DHX9: variants seen among roughly 807,000 people sequenced by gnomAD.
The protein encoded by DHX9 is ATP-dependent RNA helicase A.
A neutral mutation model predicts 148.7 loss-of-function variants in DHX9; 27 were observed. That is an observed-to-expected ratio of 0.18 (90% CI 0.13 to 0.25). The LOEUF is 0.25. Ranked by LOEUF, DHX9 falls within the 10% of genes least tolerant of loss-of-function variation. The pLI is 1.00. For synonymous variants in DHX9, 529 were observed against 516.6 expected (o/e 1.02, Z -0.33); for missense variants, 796 against 1,559.6 (o/e 0.51, Z 8.25).
At chr1:182,869,337 C>A (rs10911152) in intron 14 of DHX9, among the ~76,000 whole-genome samples, 1 of 151,782 alleles carries the variant, frequency 6.6e-6, no homozygotes, top group African/African-American at 2.4e-5. Context: ...TGGTTCAGCC[C>A]GGTCTTGTCC....
At chr1:182,866,317 A>C in intron 12 of DHX9, 127 bp from the exon 13 acceptor site, 2 of 948,036 alleles carry the variant, frequency 2.1e-6, no homozygotes, top group Non-Finnish European at 1.5e-6. Context: ...TTTTTTGTAC[A>C]TTTATTGTTT....
At position 182,871,567 on chromosome 1, in the gene DHX9, A is replaced by G. The variant is rs574407344; in HGVS notation, c.1558-770A>G. On this transcript the variant is annotated intron_variant, in intron 14 of 27. Transcript: ENST00000367549. ...GGATATGTTTAGCACTCCTGTTTAG[A>G]CTTGAACAAGAATGCTCATAGTAGC... 5.9e-5 allele frequency among the ~76,000 whole-genome samples: 9 copies of G among 152,354 alleles called. 1 individual carries two copies. The Middle Eastern group carries it at 0.014, about 230-fold the overall frequency.
intron 12 of DHX9, among the ~76,000 whole-genome samples, chr1:182,863,200 G>T (rs549541648): frequency 6.6e-6 from 1 of 152,230 alleles, no homozygotes; most frequent in South Asian, 2.1e-4. Context: ...AGTAATCCAA[G>T]TGTAACATAG....
At chr1:182,860,490 T>A (rs1668341102) in intron 12 of DHX9, among the ~76,000 whole-genome samples, 1 of 152,230 alleles carries the variant, frequency 6.6e-6, no homozygotes, top group African/African-American at 2.4e-5. Context: ...GTCATCTCTA[T>A]CTAACCACCT....
rs559813964 is a variant in DHX9, at chr1:182,867,993, C to A, written c.1557+950C>A. Among the ~76,000 whole-genome samples, 26 of 152,054 alleles carry A rather than the reference C, an allele frequency of 1.7e-4. No individual in the cohort carries two copies. In the East Asian group the frequency reaches 2.9e-3, roughly 17 times the overall value. On this transcript the variant is annotated intron_variant, in intron 14 of 27. Coordinates refer to ENST00000367549, the MANE Select transcript of DHX9 (RefSeq NM_001357.5). ...AAGCATTTCTAGTTTTTATTTTTTT[C>A]TTTTTTCTTCTCCCATCCCCCATCC...
intron 27 of DHX9, 132 bp downstream of exon 27, chr1:182,884,945 T>TAG (rs1265733310): frequency 2.6e-6 from 2 of 772,992 alleles, no homozygotes; most frequent in South Asian, 3.7e-5. Context: ...GCTATATAGA[T>TAG]AGAGAGTTTG....
chr1:182,840,099 A>C (rs1181793641), intron 1 of DHX9, among the ~76,000 whole-genome samples: 1 of 152,142 alleles, frequency 6.6e-6, no homozygotes, highest in Non-Finnish European at 1.5e-5. Context: ...GAAGGCCTTC[A>C]AAGGAGAATG....
chr1:182,881,201 A>G (rs1571321892), intron 22 of DHX9, 63 bp from the exon 23 acceptor site: 4 of 1,544,372 alleles, frequency 2.6e-6, no homozygotes, highest in East Asian at 4.5e-5. Context: ...CGACAGTCCT[A>G]CCTGAGCTGC....
At chr1:182,883,728 T>C in intron 26 of DHX9, 93 bp downstream of exon 26, 4 of 778,646 alleles carry the variant, frequency 5.1e-6, no homozygotes, top group Non-Finnish European at 8.3e-6. Flanking sequence ...ATATACTAAT[T>C]ATATCTAACT....
In DHX9 at chr1:182,876,142, C is replaced by A. The variant is rs747582738; in HGVS notation, c.1908C>A (p.Leu636=). 6.2e-7 allele frequency: 1 copy of A among 1,613,980 alleles called. No individual in the cohort carries two copies. Among genetic ancestry groups the A allele is most frequent in the Non-Finnish European group, 8.5e-7 (1 of 1,179,890 alleles). ...QLNEKETPFE[L]IEALLKYIET... is the part of the protein sequence containing the mutation. Reference sequence around the variant, plus strand: ...ACGAAAAGGAAACTCCTTTTGAACTCATCGAGGCTCTACTTAAGTACATTG... The same window carrying A: ...ACGAAAAGGAAACTCCTTTTGAACTAATCGAGGCTCTACTTAAGTACATTG... Residue 636 remains leucine (L), a synonymous_variant, in exon 17 of 28, where the codon CTC becomes CTA. Transcript: ENST00000367549.
intron 14 of DHX9, among the ~76,000 whole-genome samples, chr1:182,869,993 A>C (rs775645120): frequency 1.4e-4 from 22 of 152,256 alleles, no homozygotes; most frequent in Non-Finnish European, 2.8e-4. Context: ...ACCAATTACT[A>C]CAAATAATAG....
At position 182,887,049 on chromosome 1, in the gene DHX9, C is replaced by T. The variant is rs1557982577; in HGVS notation, c.3462-34C>T. 4 of 1,579,304 alleles carry T rather than the reference C, an allele frequency of 2.5e-6. No individual in the cohort carries two copies. In the Admixed American group the frequency reaches 6.8e-5, roughly 27 times the overall value. ...AAGTCGTTGGGAAATAATAAGAATG[C>T]TTTGCTAAAGTGATGGTTTTGTGCT... On this transcript the variant is annotated intron_variant, in intron 27 of 27. Transcript: ENST00000367549.
chr1:182,860,975 T>A (rs924786043), intron 12 of DHX9, among the ~76,000 whole-genome samples: 1 of 152,250 alleles, frequency 6.6e-6, no homozygotes, highest in African/African-American at 2.4e-5. Flanking sequence ...TTTTCCCCGA[T>A]GGGTTAATGT....
In DHX9 at chr1:182,867,065, G is replaced by C. The variant is rs768296669; in HGVS notation, c.1557+22G>C. 6.9e-6 allele frequency: 10 copies of C among 1,449,686 alleles called. No homozygotes were observed. The Admixed American group carries it at 1.7e-4, about 24-fold the overall frequency. 89.8% of individuals were successfully genotyped at this position (1,449,686 alleles called of 1,614,324 possible). On this transcript the variant is annotated intron_variant, in intron 14 of 27. Coordinates refer to ENST00000367549, the MANE Select transcript of DHX9 (RefSeq NM_001357.5). ...TAATGTAAGTAACTTGAGAGGTACAGTAAGGTACTTAATTCTGCTATTTCT... is the reference window on the plus strand; with the variant it reads ...TAATGTAAGTAACTTGAGAGGTACACTAAGGTACTTAATTCTGCTATTTCT...
intron 3 of DHX9, among the ~76,000 whole-genome samples, chr1:182,847,914 G>T (rs1349822223): frequency 6.6e-6 from 1 of 152,142 alleles, no homozygotes; most frequent in African/African-American, 2.4e-5. Context: ...AGGAGGGTCA[G>T]TCTTACAGGA....
At chr1:182,872,967 T>C (rs1225170242) in intron 15 of DHX9, among the ~76,000 whole-genome samples, 1 of 152,140 alleles carries the variant, frequency 6.6e-6, no homozygotes, top group Non-Finnish European at 1.5e-5. Flanking sequence ...TCTTTTTGTT[T>C]TTCTAAGACA....
intron 1 of DHX9, among the ~76,000 whole-genome samples, chr1:182,840,299 C>CTTTTTT (rs572795237): frequency 2.1e-4 from 22 of 105,550 alleles, no homozygotes; most frequent in African/African-American, 8.4e-4. Flanking sequence ...ATTCTTGCGC[C>CTTTTTT]TTTTTTTTTT....
chr1:182,877,902 G>A, intron 19 of DHX9, 119 bp from the exon 20 acceptor site: 1 of 1,107,438 alleles, frequency 9.0e-7, no homozygotes. Context: ...TTCATGAATA[G>A]ACATCACAAG....
rs563448038 is a variant in DHX9, at chr1:182,870,893, G to A, written c.1558-1444G>A. ...GCAGTTAATTTTAAGTTACATTTGA[G>A]ATATTTTGCATTATTTTTCTTATGG... On this transcript the variant is annotated intron_variant, in intron 14 of 27. Transcript: ENST00000367549. Among the ~76,000 whole-genome samples the A allele has an allele frequency of 4.6e-5, 7 of 152,192 alleles. No homozygotes were observed. In the East Asian group the frequency reaches 9.6e-4, roughly 21 times the overall value.
Sources: gnomAD v4.1 joint callset for allele counts (sites outside exome capture counted in the v4.1 genomes callset) on GRCh38, gnomAD v4.1.1 for gene constraint, MANE v1.5 for transcripts, NCBI Gene and HGNC (gene_info 2026-07-23, HGNC 2026-07-21) for gene names.